Variants in SLC9A9 observed in about 807,000 individuals in gnomAD.
The protein encoded by SLC9A9 is sodium/hydrogen exchanger 9.
A neutral mutation model predicts 77.8 loss-of-function variants in SLC9A9; 62 were observed. The ratio of observed to expected loss-of-function variants is 0.80; its 90% CI spans 0.65 to 0.98. The LOEUF (loss-of-function observed/expected upper bound fraction) is 0.98. SLC9A9 is among the 50% of genes least tolerant of loss of function. The probability of loss-of-function intolerance (pLI) is 0.00; values close to 1 mark genes in which losing one functional copy is unlikely to be tolerated. For missense variants in SLC9A9, 775 were observed against 774.9 expected (o/e 1.00, Z 0.00); for synonymous variants, 320 against 283.5 (o/e 1.13, Z -1.29).
intron 8 of SLC9A9, among the ~76,000 whole-genome samples, chr3:143,555,935 C>T (rs1644286256): frequency 6.6e-6 from 1 of 152,148 alleles, no homozygotes; most frequent in Admixed American, 6.6e-5. Flanking sequence ...ATTGATCTGA[C>T]CCTTAGTATT....
chr3:143,294,203 C>T (rs1030337846), intron 14 of SLC9A9, among the ~76,000 whole-genome samples: 13 of 152,102 alleles, frequency 8.5e-5, no homozygotes, highest in African/African-American at 2.9e-4. Flanking sequence ...GTGGGATTCA[C>T]TTAACCTCAA....
chr3:143,488,117 T>C (rs2035681632), intron 11 of SLC9A9, among the ~76,000 whole-genome samples: 1 of 151,880 alleles, frequency 6.6e-6, no homozygotes, highest in Non-Finnish European at 1.5e-5. Flanking sequence ...GAGAGCACTA[T>C]GAACAATTTT....
At position 143,839,057 on chromosome 3, in the gene SLC9A9, A is replaced by G. The variant is rs182592856; in HGVS notation, c.176-6836T>C. ...TTTAGCAATTTAGTTTTGCTCTGAG[A>G]ATAGTCAGAGATGGAACAAAAAGTA... On this transcript the variant is annotated intron_variant, in intron 1 of 15. Coordinates refer to ENST00000316549, the MANE Select transcript of SLC9A9 (RefSeq NM_173653.4). Among the ~76,000 whole-genome samples, 191 of 152,286 alleles carry G rather than the reference A, an allele frequency of 1.3e-3. 3 individuals are homozygous for G. The highest frequency in any genetic ancestry group is 0.011 in the Admixed American group (172 of 15,304).
Position 143,591,903 on chromosome 3 carries a change from A to G in SLC9A9, c.756-13180T>C, listed in dbSNP as rs575271899. Among the ~76,000 whole-genome samples, 11 of 152,350 alleles carry G rather than the reference A, an allele frequency of 7.2e-5. No homozygotes were observed. In the South Asian group the frequency reaches 2.3e-3, roughly 32 times the overall value. On this transcript the variant is annotated intron_variant, in intron 6 of 15. Transcript: ENST00000316549. ...AGGAGGGAGGTCAGTGGACACTTCAAGTTAGAAGCAGGTAAACAAGCTATC... is the reference window on the plus strand; with the variant it reads ...AGGAGGGAGGTCAGTGGACACTTCAGGTTAGAAGCAGGTAAACAAGCTATC...
chr3:143,637,799 TAA>T (rs2038550551), intron 6 of SLC9A9, among the ~76,000 whole-genome samples: 1 of 152,112 alleles, frequency 6.6e-6, no homozygotes. Context: ...AACTAGTAAA[TAA>T]TAAAGTCAGA....
At chr3:143,355,690 C>T (rs1392013165) in intron 14 of SLC9A9, among the ~76,000 whole-genome samples, 5 of 152,148 alleles carry the variant, frequency 3.3e-5, no homozygotes, top group African/African-American at 1.2e-4. Flanking sequence ...GGAATGACAG[C>T]TCTGTGGGAA....
At chr3:143,719,423 T>C (rs540987530) in intron 4 of SLC9A9, among the ~76,000 whole-genome samples, 8 of 152,174 alleles carry the variant, frequency 5.3e-5, no homozygotes, top group Non-Finnish European at 1.2e-4. Context: ...AAATCCATGA[T>C]GAAAGGCCCC....
chr3:143,532,146 A>G (rs929193255), intron 9 of SLC9A9, among the ~76,000 whole-genome samples: 4 of 152,244 alleles, frequency 2.6e-5, no homozygotes, highest in African/African-American at 9.6e-5. Flanking sequence ...TTAAGTGTCT[A>G]ATATGATAAA....
chr3:143,271,255 GC>G (rs1348120317), intron 14 of SLC9A9, among the ~76,000 whole-genome samples: 2 of 152,186 alleles, frequency 1.3e-5, no homozygotes, highest in Admixed American at 6.5e-5. Context: ...TAAATGTGTA[GC>G]TTTTAGTGAG....
intron 11 of SLC9A9, among the ~76,000 whole-genome samples, chr3:143,489,087 C>G (rs1447508226): frequency 6.6e-6 from 1 of 151,860 alleles, no homozygotes; most frequent in African/African-American, 2.4e-5. Flanking sequence ...TTTTTATACA[C>G]TCACAGTGAA....
At chr3:143,584,259 GCA>G (rs2037504197) in intron 6 of SLC9A9, among the ~76,000 whole-genome samples, 1 of 151,860 alleles carries the variant, frequency 6.6e-6, no homozygotes, top group Admixed American at 6.6e-5. Flanking sequence ...ACACTTTGCC[GCA>G]CAGTTACCCA....
intron 12 of SLC9A9, among the ~76,000 whole-genome samples, chr3:143,434,718 A>T (rs2034589516): frequency 6.6e-6 from 1 of 151,958 alleles, no homozygotes; most frequent in Non-Finnish European, 1.5e-5. Flanking sequence ...GCCTCTTTCC[A>T]CCCTGGTCCA....
chr3:143,376,228 C>T (rs1365939981), intron 13 of SLC9A9, among the ~76,000 whole-genome samples: 1 of 152,134 alleles, frequency 6.6e-6, no homozygotes, highest in Non-Finnish European at 1.5e-5. Flanking sequence ...ATGCTTGATA[C>T]TCTCGATAGG....
chr3:143,635,970 G>T (rs1405655805), intron 6 of SLC9A9, among the ~76,000 whole-genome samples: 1 of 152,076 alleles, frequency 6.6e-6, no homozygotes, highest in Non-Finnish European at 1.5e-5. Context: ...TGTTTTCAGG[G>T]AGTCTAGTAG....
intron 1 of SLC9A9, among the ~76,000 whole-genome samples, chr3:143,836,374 T>C (rs1266936142): frequency 6.6e-6 from 1 of 152,188 alleles, no homozygotes; most frequent in Non-Finnish European, 1.5e-5. Context: ...GCCAATCACT[T>C]TGGGCAGAAT....
chr3:143,611,953 C>A (rs1042146407), intron 6 of SLC9A9, among the ~76,000 whole-genome samples: 3 of 152,154 alleles, frequency 2.0e-5, no homozygotes, highest in African/African-American at 7.2e-5. Context: ...CCAGGCTAGT[C>A]TCAAATTCCT....
chr3:143,458,021 G>A (rs2035124279), intron 12 of SLC9A9, among the ~76,000 whole-genome samples: 1 of 152,120 alleles, frequency 6.6e-6, no homozygotes, highest in Non-Finnish European at 1.5e-5. Flanking sequence ...CAGTTACTCA[G>A]GGACAAGTAC....
chr3:143,424,851 C>T (rs191947703), intron 12 of SLC9A9, among the ~76,000 whole-genome samples: 75 of 152,242 alleles, frequency 4.9e-4, no homozygotes, highest in African/African-American at 1.7e-3. Flanking sequence ...ACTAGGCCTA[C>T]GTTATCTGTG....
At chr3:143,401,509 TA>T (rs1193759092) in intron 12 of SLC9A9, among the ~76,000 whole-genome samples, 1 of 152,176 alleles carries the variant, frequency 6.6e-6, no homozygotes, top group African/African-American at 2.4e-5. Context: ...CATGCAGCAG[TA>T]AAAAGGTTTC....
Sources: gnomAD v4.1 joint callset for allele counts (sites outside exome capture counted in the v4.1 genomes callset) on GRCh38, gnomAD v4.1.1 for gene constraint, MANE v1.5 for transcripts, NCBI Gene and HGNC (gene_info 2026-07-23, HGNC 2026-07-21) for gene names.